The following ERBB4 variants were observed in gnomAD, a reference collection of about 807,000 sequenced individuals.
ERBB4 encodes erb-b2 receptor tyrosine kinase 4.
A neutral mutation model predicts 158.0 loss-of-function variants in ERBB4; 42 were observed. That is an observed-to-expected ratio of 0.27 (90% CI 0.21 to 0.34). The LOEUF (loss-of-function observed/expected upper bound fraction) is 0.34. Ranked by LOEUF, ERBB4 falls within the 10% of genes least tolerant of loss-of-function variation. The pLI, the probability that ERBB4 is intolerant of heterozygous loss-of-function variation, is 1.00. For synonymous variants in ERBB4, 583 were observed against 558.7 expected, an observed-to-expected ratio of 1.04 and a Z score of -0.61; for missense variants, 1,333 against 1,624.1, an observed-to-expected ratio of 0.82 and a Z score of 3.08.
At chr2:211,430,767 G>C (rs1159967784) in intron 21 of ERBB4, among the ~76,000 whole-genome samples, 178 bp downstream of exon 21, 1 of 86,746 alleles carries the variant, frequency 1.2e-5, no homozygotes, top group Admixed American at 1.1e-4. Context: ...GTGTGTATAT[G>C]ATATATATAT....
chr2:211,716,853 C>T (rs1350468867), intron 7 of ERBB4, among the ~76,000 whole-genome samples: 1 of 151,974 alleles, frequency 6.6e-6, no homozygotes, highest in Non-Finnish European at 1.5e-5. Context: ...TTTAAATTAG[C>T]CTGTAGTTTG....
chr2:212,419,459 A>C (rs1323931185), intron 1 of ERBB4, among the ~76,000 whole-genome samples: 1 of 151,820 alleles, frequency 6.6e-6, no homozygotes, highest in African/African-American at 2.4e-5. Context: ...AAAGAGAGGG[A>C]TTTGACTTTG....
chr2:211,792,034 T>C (rs1206846580), intron 3 of ERBB4, among the ~76,000 whole-genome samples: 1 of 151,798 alleles, frequency 6.6e-6, no homozygotes, highest in East Asian at 1.9e-4. Flanking sequence ...GCTGTATCTA[T>C]AGCATCAAAC....
At position 212,437,889 on chromosome 2, in the gene ERBB4, A is replaced by G. The variant is rs538725851; in HGVS notation, c.82+100560T>C. ...TTTATGACTTACCTTAAAAAAATCA[A>G]CTCCTTAAGAAAGCCACCCTGATAT... is the stretch of plus-strand genomic sequence containing the variant. On this transcript the variant is annotated intron_variant, in intron 1 of 27. Transcript: ENST00000342788. Among the ~76,000 whole-genome samples, 100 of 152,034 alleles carry G rather than the reference A, an allele frequency of 6.6e-4. 1 individual carries two copies. The highest frequency in any genetic ancestry group is 9.1e-4 in the Non-Finnish European group (62 of 67,932).
intron 19 of ERBB4, among the ~76,000 whole-genome samples, chr2:211,566,572 T>C (rs1317598561): frequency 1.3e-5 from 2 of 152,172 alleles, no homozygotes; most frequent in East Asian, 3.9e-4. Flanking sequence ...AAAGAGAGTA[T>C]AGATGAAAAT....
At chr2:211,802,626 T>C (rs945806617) in intron 3 of ERBB4, among the ~76,000 whole-genome samples, 1 of 152,242 alleles carries the variant, frequency 6.6e-6, no homozygotes, top group Non-Finnish European at 1.5e-5. Flanking sequence ...AAAATATGTT[T>C]AAAATGTTGT....
At chr2:211,587,687 T>C (rs1226854978) in intron 19 of ERBB4, among the ~76,000 whole-genome samples, 3 of 152,086 alleles carry the variant, frequency 2.0e-5, no homozygotes, top group African/African-American at 7.2e-5. Context: ...CTTTTTAAAT[T>C]GGAAGAAGAT....
chr2:211,861,111 T>TTATATATATATTTTA (rs1553648400), intron 3 of ERBB4, among the ~76,000 whole-genome samples: 1 of 21,532 alleles, frequency 4.6e-5, no homozygotes, highest in African/African-American at 2.4e-4. Flanking sequence ...TTATATATAT[T>TTATATATATATTTTA]TATATATATA....
At chr2:211,521,606 A>AG (rs2066187569) in intron 20 of ERBB4, among the ~76,000 whole-genome samples, 1 of 152,200 alleles carries the variant, frequency 6.6e-6, no homozygotes, top group South Asian at 2.1e-4. Context: ...TTTTCAATGG[A>AG]GATTAAACAG....
At chr2:211,805,453 G>A (rs1373304411) in intron 3 of ERBB4, among the ~76,000 whole-genome samples, 1 of 152,178 alleles carries the variant, frequency 6.6e-6, no homozygotes, top group Admixed American at 6.5e-5. Context: ...AAGAGTATGA[G>A]CATAGAAAAA....
At chr2:211,565,905 T>C (rs1050046815) in intron 19 of ERBB4, among the ~76,000 whole-genome samples, 3 of 152,198 alleles carry the variant, frequency 2.0e-5, no homozygotes, top group Admixed American at 6.5e-5. Context: ...ACTGAAATCA[T>C]TGTTTTTCAC....
intron 1 of ERBB4, among the ~76,000 whole-genome samples, chr2:212,187,042 A>G (rs1270611350): frequency 1.3e-5 from 2 of 152,140 alleles, no homozygotes; most frequent in African/African-American, 4.8e-5. Context: ...GACTAAGATC[A>G]GATTTTACAT....
intron 19 of ERBB4, among the ~76,000 whole-genome samples, chr2:211,603,600 T>C (rs2068871250): frequency 6.6e-6 from 1 of 152,238 alleles, no homozygotes; most frequent in Non-Finnish European, 1.5e-5. Context: ...ACTTATCAGG[T>C]TGCCTCTCAA....
At chr2:212,034,771 TA>T (rs1409245002) in intron 2 of ERBB4, among the ~76,000 whole-genome samples, 1 of 151,930 alleles carries the variant, frequency 6.6e-6, no homozygotes, top group African/African-American at 2.4e-5. Flanking sequence ...CTGATACATT[TA>T]GAAACGTAAA....
intron 3 of ERBB4, among the ~76,000 whole-genome samples, chr2:211,793,560 C>G (rs974967320): frequency 6.6e-6 from 1 of 151,916 alleles, no homozygotes; most frequent in Admixed American, 6.6e-5. Context: ...AAAGCAGTTA[C>G]AAGACTTTCT....
chr2:212,247,654 A>G (rs562670325), intron 1 of ERBB4, among the ~76,000 whole-genome samples: 54 of 152,318 alleles, frequency 3.5e-4, no homozygotes, highest in African/African-American at 1.3e-3. Flanking sequence ...ATATTTTATC[A>G]TAGTACTTTA....
In ERBB4 at chr2:212,373,950, T is replaced by TATATATC. The variant is rs1553627741; in HGVS notation, c.82+164498_82+164499insGATATAT. Among the ~76,000 whole-genome samples, 299 of 64,578 alleles carry TATATATC rather than the reference T, an allele frequency of 4.6e-3. 46 individuals are homozygous for TATATATC. The highest frequency in any genetic ancestry group is 0.038 in the Middle Eastern group (2 of 52). The allele number at this position is 64,578 out of a possible 152,430, so 42.4% of individuals were successfully genotyped here. On this transcript the variant is annotated intron_variant, in intron 1 of 27. Coordinates refer to ENST00000342788, the MANE Select transcript of ERBB4 (RefSeq NM_005235.3). Reference sequence around the variant, plus strand: ...ATATCCATATATATCCATATATATATCATATATATATCCATATATATCCAT... The same window carrying TATATATC: ...ATATCCATATATATCCATATATATATATATATCCATATATATATCCATATATATCCAT...
chr2:211,784,443 C>A (rs984723897), intron 4 of ERBB4, among the ~76,000 whole-genome samples: 2 of 152,142 alleles, frequency 1.3e-5, no homozygotes, highest in African/African-American at 4.8e-5. Flanking sequence ...CTTCCTTTTT[C>A]AAGCTGGATA....
chr2:212,137,803 ACTC>A (rs371014154), intron 1 of ERBB4, among the ~76,000 whole-genome samples: 51 of 152,206 alleles, frequency 3.4e-4, no homozygotes, highest in African/African-American at 1.2e-3. Flanking sequence ...GTGTATAAGC[ACTC>A]CTCCTGCTGA....
Sources: allele counts gnomAD v4.1 joint callset (sites outside exome capture counted in the v4.1 genomes callset), GRCh38; gene constraint gnomAD v4.1.1; transcripts MANE v1.5; gene names NCBI Gene and HGNC (gene_info 2026-07-23, HGNC 2026-07-21).